The following NAV2 variants were observed in gnomAD, a reference collection of about 807,000 sequenced individuals.
NAV2 encodes the protein neuron navigator 2.
In NAV2, 54 loss-of-function variants were observed where a neutral mutation model predicts 223.2. The ratio of observed to expected loss-of-function variants is 0.24; its 90% CI spans 0.19 to 0.30. The LOEUF (loss-of-function observed/expected upper bound fraction) is 0.30, where lower values mean the gene tolerates loss of function less well. Among genes scored for constraint, NAV2 ranks in the 10% least tolerant of loss-of-function variants. The probability of loss-of-function intolerance (pLI) is 1.00; values close to 1 mark genes in which losing one functional copy is unlikely to be tolerated. For synonymous variants in NAV2, 1,279 were observed against 1,239.3 expected (o/e 1.03, Z -0.67); for missense variants, 2,806 against 3,147.5 (o/e 0.89, Z 2.60).
At chr11:19,387,111 A>G (rs1849073101) in intron 1 of NAV2, among the ~76,000 whole-genome samples, 1 of 152,196 alleles carries the variant, frequency 6.6e-6, no homozygotes, top group Admixed American at 6.5e-5. Context: ...GTGCTCACAC[A>G]CACACTCGCA....
At chr11:19,723,101 C>T (rs1052291867) in intron 1 of NAV2, among the ~76,000 whole-genome samples, 2 of 152,186 alleles carry the variant, frequency 1.3e-5, no homozygotes, top group African/African-American at 4.8e-5. Flanking sequence ...CCCCAACCGC[C>T]CCTACCTTGG....
intron 1 of NAV2, among the ~76,000 whole-genome samples, chr11:19,487,404 C>T (rs899505103): frequency 3.9e-5 from 6 of 152,190 alleles, no homozygotes; most frequent in Admixed American, 2.6e-4. Flanking sequence ...ATTCACCCCT[C>T]GGGTAATCCT....
chr11:19,527,810 T>C (rs1456405812), intron 1 of NAV2, among the ~76,000 whole-genome samples: 1 of 152,086 alleles, frequency 6.6e-6, no homozygotes, highest in African/African-American at 2.4e-5. Context: ...TCTGGGGTGG[T>C]CCCTTCTGAC....
intron 1 of NAV2, among the ~76,000 whole-genome samples, chr11:19,558,072 G>A (rs1438212527): frequency 6.6e-6 from 1 of 152,128 alleles, no homozygotes; most frequent in Non-Finnish European, 1.5e-5. Context: ...TGGATAGTTA[G>A]CCTATTTGTA....
At position 19,842,036 on chromosome 11, in the gene NAV2, G is replaced by A. The variant is rs1203940257; in HGVS notation, c.386-835G>A. Among the ~76,000 whole-genome samples, 5 of 152,152 alleles carry A rather than the reference G, an allele frequency of 3.3e-5. No individual in the cohort carries two copies. The East Asian group carries it at 5.8e-4, about 18-fold the overall frequency. ...CTCTGCAGCTGGAATTCACGCTAAC[G>A]TATCTTTGCCTCCAAAGTCAGTGTT... On this transcript the variant is annotated intron_variant, in intron 2 of 37. Coordinates refer to ENST00000349880, the MANE Select transcript of NAV2 (RefSeq NM_145117.5).
intron 1 of NAV2, among the ~76,000 whole-genome samples, chr11:19,353,112 C>T (rs1398999168): frequency 1.3e-5 from 2 of 152,180 alleles, no homozygotes; most frequent in Non-Finnish European, 2.9e-5. Context: ...ACAATCGAGG[C>T]ATCTGCTGGA....
intron 1 of NAV2, among the ~76,000 whole-genome samples, chr11:19,449,906 G>A (rs914498024): frequency 6.6e-6 from 1 of 151,616 alleles, no homozygotes; most frequent in South Asian, 2.1e-4. Flanking sequence ...GCTTCATTCG[G>A]TTATGGTGAG....
intron 6 of NAV2, among the ~76,000 whole-genome samples, chr11:19,896,892 C>G (rs528354585): frequency 5.3e-5 from 8 of 152,254 alleles, no homozygotes; most frequent in African/African-American, 9.6e-5. Flanking sequence ...GGTATATACC[C>G]AAAGGATTAT....
At chr11:19,464,537 C>T (rs74677283) in intron 1 of NAV2, among the ~76,000 whole-genome samples, 4,759 of 152,246 alleles carry the variant, frequency 0.031, 139 homozygotes, top group East Asian at 0.078. Flanking sequence ...CCTCTTTAGG[C>T]CTCAGTTTTC....
At chr11:19,513,067 T>C (rs1313429950) in intron 1 of NAV2, among the ~76,000 whole-genome samples, 1 of 152,180 alleles carries the variant, frequency 6.6e-6, no homozygotes, top group East Asian at 1.9e-4. Flanking sequence ...TAGAAGCTTG[T>C]GATTTCTGCA....
intron 1 of NAV2, among the ~76,000 whole-genome samples, chr11:19,563,053 G>A (rs912010602): frequency 2.5e-4 from 38 of 152,204 alleles, no homozygotes; most frequent in African/African-American, 8.4e-4. Flanking sequence ...TCAGAAAGCA[G>A]AAGCTGGGAC....
At chr11:19,788,752 CA>C (rs1157157896) in intron 1 of NAV2, among the ~76,000 whole-genome samples, 1 of 152,218 alleles carries the variant, frequency 6.6e-6, no homozygotes, top group Admixed American at 6.5e-5. Context: ...AGCTCATTCT[CA>C]CCTGGGGGAG....
intron 1 of NAV2, among the ~76,000 whole-genome samples, chr11:19,574,414 C>T (rs1406512639): frequency 6.6e-6 from 1 of 152,140 alleles, no homozygotes; most frequent in Non-Finnish European, 1.5e-5. Flanking sequence ...CCTTCCTAGT[C>T]CCTTATTCTT....
At chr11:19,611,142 C>T (rs192912730) in intron 1 of NAV2, among the ~76,000 whole-genome samples, 37 of 152,154 alleles carry the variant, frequency 2.4e-4, no homozygotes, top group African/African-American at 8.9e-4. Context: ...AAAGCAGAAA[C>T]CCCTGATAAA....
At chr11:19,642,100 T>A (rs1053022458) in intron 1 of NAV2, among the ~76,000 whole-genome samples, 4 of 152,180 alleles carry the variant, frequency 2.6e-5, no homozygotes, top group African/African-American at 9.7e-5. Context: ...TTGAAAGCCT[T>A]AGATGAAGAC....
chr11:19,495,654 G>T (rs534929215), intron 1 of NAV2, among the ~76,000 whole-genome samples: 7 of 152,238 alleles, frequency 4.6e-5, no homozygotes. Context: ...AGGTATATCT[G>T]CTCTTATAAA....
intron 11 of NAV2, among the ~76,000 whole-genome samples, chr11:20,033,638 C>G (rs1395884421): frequency 1.3e-5 from 2 of 152,202 alleles, no homozygotes; most frequent in African/African-American, 4.8e-5. Context: ...GGACCACCCT[C>G]ACATTCCCCT....
intron 1 of NAV2, among the ~76,000 whole-genome samples, chr11:19,810,172 A>G (rs2058771251): frequency 6.6e-6 from 1 of 152,166 alleles, no homozygotes; most frequent in Non-Finnish European, 1.5e-5. Flanking sequence ...TTATAATCCA[A>G]TACTACCTTA....
intron 1 of NAV2, among the ~76,000 whole-genome samples, chr11:19,382,743 C>T (rs2133939526): frequency 6.6e-6 from 1 of 152,312 alleles, no homozygotes; most frequent in South Asian, 2.1e-4. Context: ...ATAACCACCT[C>T]ATATAGCTTC....
Sources: gnomAD v4.1 joint callset for allele counts (sites outside exome capture counted in the v4.1 genomes callset) on GRCh38, gnomAD v4.1.1 for gene constraint, MANE v1.5 for transcripts, NCBI Gene and HGNC (gene_info 2026-07-23, HGNC 2026-07-21) for gene names.